Variants in HTR4 observed in about 807,000 individuals in gnomAD.
HTR4 encodes the protein 5-hydroxytryptamine receptor 4.
In HTR4, 16 loss-of-function variants were observed where a neutral mutation model predicts 36.8. The observed-to-expected ratio is 0.43, with a 90% confidence interval of 0.29 to 0.66. HTR4 has a LOEUF of 0.66. Ranked by LOEUF, HTR4 falls within the 30% of genes least tolerant of loss-of-function variation. The probability of loss-of-function intolerance (pLI) is 0.13; values close to 1 mark genes in which losing one functional copy is unlikely to be tolerated. For missense variants in HTR4, 438 were observed against 490.9 expected (o/e 0.89, Z 1.02); for synonymous variants, 189 against 185.1 (o/e 1.02, Z -0.17).
At chr5:148,451,118 G>A (rs199967111) in exon 6 of HTR4, 226 of 1,606,926 alleles carry the variant, frequency 1.4e-4, no homozygotes, top group Non-Finnish European at 1.8e-4. Flanking sequence ...CAGAAGTGAT[G>A]CCAGGGTGAC....
intron 2 of HTR4, among the ~76,000 whole-genome samples, chr5:148,554,125 G>GA (rs1449537708): frequency 6.6e-6 from 1 of 152,202 alleles, no homozygotes; most frequent in African/African-American, 2.4e-5. Context: ...GCCCAGGCTG[G>GA]AGTGCAATGG....
intron 2 of HTR4, among the ~76,000 whole-genome samples, chr5:148,560,822 T>G (rs1482918795): frequency 2.0e-5 from 3 of 152,202 alleles, no homozygotes; most frequent in African/African-American, 7.2e-5. Flanking sequence ...GTATTTCTCC[T>G]ACTAAATTTT....
chr5:148,486,168 A>G (rs1013709846), intron 6 of HTR4, among the ~76,000 whole-genome samples: 1 of 152,200 alleles, frequency 6.6e-6, no homozygotes, highest in Non-Finnish European at 1.5e-5. Context: ...ATAATGACAG[A>G]GTGATCTTAT....
Position 148,503,901 on chromosome 5 carries a change from C to A in HTR4, c.1076+5555G>T, listed in dbSNP as rs143184554. 5.5e-3 allele frequency among the ~76,000 whole-genome samples: 843 copies of A among 152,196 alleles called. 3 individuals carry two copies. Among genetic ancestry groups the A allele is most frequent in the African/African-American group, 0.019 (793 of 41,534 alleles). The stretch of plus-strand genomic sequence containing the variant: ...AAAGATCAAAAGAGACAAAGAAGGC[C>A]ATTAAATAATGGTAAAGGGATCAAT... On this transcript the variant is annotated intron_variant, in intron 6 of 6. Coordinates refer to ENST00000377888, the MANE Select transcript of HTR4 (RefSeq NM_000870.7).
At chr5:148,496,262 C>A (rs1014923937) in intron 6 of HTR4, among the ~76,000 whole-genome samples, 3 of 152,136 alleles carry the variant, frequency 2.0e-5, no homozygotes, top group African/African-American at 7.2e-5. Context: ...GTAAAAATGT[C>A]ATTTACAAGC....
At chr5:148,575,098 T>C (rs1760841189) in intron 2 of HTR4, among the ~76,000 whole-genome samples, 1 of 152,058 alleles carries the variant, frequency 6.6e-6, no homozygotes, top group South Asian at 2.1e-4. Context: ...ATCTCCTTTT[T>C]ACTTTCTGCC....
intron 1 of HTR4, among the ~76,000 whole-genome samples, chr5:148,639,863 G>A (rs913473765): frequency 6.6e-5 from 10 of 152,018 alleles, no homozygotes; most frequent in African/African-American, 2.4e-4. Context: ...TTTCACACTG[G>A]GAGGAAGGGG....
chr5:148,589,931 G>A (rs1761494350), intron 2 of HTR4, among the ~76,000 whole-genome samples: 2 of 152,026 alleles, frequency 1.3e-5, no homozygotes, highest in African/African-American at 4.8e-5. Flanking sequence ...ATGCTGTCTA[G>A]TAGAACTCCA....
At chr5:148,539,757 T>G (rs1363774508) in intron 4 of HTR4, among the ~76,000 whole-genome samples, 2 of 152,068 alleles carry the variant, frequency 1.3e-5, no homozygotes, top group African/African-American at 4.8e-5. Flanking sequence ...AAGGGAACAT[T>G]TATACACTGT....
chr5:148,510,383 C>T (rs537974612), intron 5 of HTR4, among the ~76,000 whole-genome samples: 1 of 152,262 alleles, frequency 6.6e-6, no homozygotes, highest in East Asian at 1.9e-4. Context: ...AAAATAGAGA[C>T]AGAATCATTT....
At chr5:148,608,275 G>A (rs988511435) in intron 2 of HTR4, among the ~76,000 whole-genome samples, 4 of 152,042 alleles carry the variant, frequency 2.6e-5, no homozygotes, top group Admixed American at 1.3e-4. Flanking sequence ...AGTCTTGCAG[G>A]GGAAACAAAC....
chr5:148,591,086 G>A (rs1286530664), intron 2 of HTR4, among the ~76,000 whole-genome samples: 2 of 152,076 alleles, frequency 1.3e-5, no homozygotes, highest in Non-Finnish European at 2.9e-5. Flanking sequence ...TGAATGGGGA[G>A]TCTTTTACCC....
chr5:148,565,993 C>A (rs960192216), intron 2 of HTR4, among the ~76,000 whole-genome samples: 1 of 152,166 alleles, frequency 6.6e-6, no homozygotes, highest in Non-Finnish European at 1.5e-5. Flanking sequence ...GCCTTAAAAA[C>A]ATTCATGCTC....
At chr5:148,515,907 C>G (rs1439420040) in intron 5 of HTR4, among the ~76,000 whole-genome samples, 1 of 151,262 alleles carries the variant, frequency 6.6e-6, no homozygotes, top group Non-Finnish European at 1.5e-5. Context: ...TACATCTGCC[C>G]CATTCTCTCT....
At chr5:148,564,121 C>T (rs1265401937) in intron 2 of HTR4, among the ~76,000 whole-genome samples, 1 of 152,138 alleles carries the variant, frequency 6.6e-6, no homozygotes, top group Admixed American at 6.5e-5. Flanking sequence ...ACATCTTGAC[C>T]TGGTTTAAAC....
At chr5:148,486,791 A>G (rs1264686824) in intron 6 of HTR4, among the ~76,000 whole-genome samples, 2 of 152,192 alleles carry the variant, frequency 1.3e-5, no homozygotes, top group Non-Finnish European at 2.9e-5. Context: ...TTGGATTTGT[A>G]TTAAAGAATC....
At chr5:148,615,098 C>T (rs530723644) in intron 2 of HTR4, among the ~76,000 whole-genome samples, 12 of 151,220 alleles carry the variant, frequency 7.9e-5, no homozygotes, top group Admixed American at 2.6e-4. Context: ...TAAACTAGTT[C>T]AACCATTGTG....
At chr5:148,511,059 C>G (rs1026970606) in intron 5 of HTR4, among the ~76,000 whole-genome samples, 1 of 152,186 alleles carries the variant, frequency 6.6e-6, no homozygotes, top group African/African-American at 2.4e-5. Context: ...CCTAATCACT[C>G]CATTGAAAAT....
intron 2 of HTR4, among the ~76,000 whole-genome samples, chr5:148,627,462 G>T (rs1026444570): frequency 6.6e-6 from 1 of 152,196 alleles, no homozygotes; most frequent in Non-Finnish European, 1.5e-5. Flanking sequence ...GGTGGCATTT[G>T]AGATAAGGTG....
Sources: gnomAD v4.1 joint callset for allele counts (sites outside exome capture counted in the v4.1 genomes callset) on GRCh38, gnomAD v4.1.1 for gene constraint, MANE v1.5 for transcripts, NCBI Gene and HGNC (gene_info 2026-07-23, HGNC 2026-07-21) for gene names.